PTPRT: variants seen among roughly 807,000 people sequenced by gnomAD.
PTPRT encodes receptor-type tyrosine-protein phosphatase T.
A neutral mutation model predicts 176.8 loss-of-function variants in PTPRT; 56 were observed. That is an observed-to-expected ratio of 0.32 (90% CI 0.26 to 0.40). PTPRT has a LOEUF of 0.40. Ranked by LOEUF, PTPRT falls within the 10% of genes least tolerant of loss-of-function variation. PTPRT has a pLI of 1.00. For missense variants in PTPRT, 1,540 were observed against 1,908.2 expected (o/e 0.81, Z 3.60); for synonymous variants, 783 against 739.0 (o/e 1.06, Z -0.96).
intron 6 of PTPRT, among the ~76,000 whole-genome samples, chr20:42,695,481 G>A (rs1034644252): frequency 2.0e-5 from 3 of 152,046 alleles, no homozygotes; most frequent in Non-Finnish European, 4.4e-5. Context: ...AGTTTTAGTG[G>A]TATTTATTTT....
At chr20:43,119,838 GCA>G (rs2013191811) in intron 1 of PTPRT, among the ~76,000 whole-genome samples, 2 of 152,298 alleles carry the variant, frequency 1.3e-5, no homozygotes, top group South Asian at 4.1e-4. Context: ...CTGTTAAGTG[GCA>G]TCATATAAAT....
At chr20:42,896,994 G>A (rs1255863397) in intron 1 of PTPRT, among the ~76,000 whole-genome samples, 1 of 152,108 alleles carries the variant, frequency 6.6e-6, no homozygotes. Context: ...TGCCGGGGGG[G>A]TGTTTAAATA....
downstream of PTPRT, among the ~76,000 whole-genome samples, chr20:42,067,952 G>C (rs1982142476): frequency 6.6e-6 from 1 of 152,178 alleles, no homozygotes; most frequent in Admixed American, 6.5e-5. Context: ...AGTCAGGGAA[G>C]GAACGAGAAA....
At chr20:42,361,473 A>G (rs1312253174) in intron 9 of PTPRT, among the ~76,000 whole-genome samples, 1 of 152,098 alleles carries the variant, frequency 6.6e-6, no homozygotes, top group East Asian at 1.9e-4. Flanking sequence ...GGGATGTGAT[A>G]TTTTGTGACT....
At chr20:42,677,630 T>C (rs1166396314) in intron 7 of PTPRT, among the ~76,000 whole-genome samples, 3 of 151,788 alleles carry the variant, frequency 2.0e-5, no homozygotes, top group Admixed American at 6.6e-5. Flanking sequence ...AGGAAGTTCT[T>C]AGAATCACAG....
intron 1 of PTPRT, among the ~76,000 whole-genome samples, chr20:43,116,132 C>G (rs930148229): frequency 6.6e-6 from 1 of 152,162 alleles, no homozygotes; most frequent in Non-Finnish European, 1.5e-5. Context: ...AATGAAGACA[C>G]CCAAGAATCA....
intron 1 of PTPRT, among the ~76,000 whole-genome samples, chr20:43,143,093 C>T (rs1053342021): frequency 2.2e-4 from 34 of 152,314 alleles, no homozygotes; most frequent in Non-Finnish European, 4.1e-4. Flanking sequence ...TGCCCTGCCA[C>T]GGCTCCTCTT....
chr20:42,104,127 G>A (rs75089941), intron 25 of PTPRT, among the ~76,000 whole-genome samples: 11,844 of 152,130 alleles, frequency 0.078, 1,214 homozygotes, highest in African/African-American at 0.23. Context: ...AAGACGTTTC[G>A]ATCATGAGCA....
intron 1 of PTPRT, among the ~76,000 whole-genome samples, chr20:43,013,252 C>T (rs1045305794): frequency 1.3e-5 from 2 of 152,000 alleles, no homozygotes; most frequent in Non-Finnish European, 2.9e-5. Context: ...CCTGAGCTAA[C>T]GAAGTGTGGA....
intron 1 of PTPRT, among the ~76,000 whole-genome samples, chr20:43,041,518 T>C (rs181703835): frequency 3.3e-5 from 5 of 152,280 alleles, no homozygotes; most frequent in Admixed American, 2.6e-4. Context: ...GCCAGCAACA[T>C]TGAGTTGTAG....
intron 7 of PTPRT, among the ~76,000 whole-genome samples, chr20:42,487,243 A>G (rs1411811510): frequency 6.6e-6 from 1 of 152,284 alleles, no homozygotes; most frequent in East Asian, 1.9e-4. Context: ...TGGAGAAGCC[A>G]CCCTGGCATT....
chr20:42,515,340 A>G (rs2072040897), intron 7 of PTPRT, among the ~76,000 whole-genome samples: 1 of 152,018 alleles, frequency 6.6e-6, no homozygotes, highest in South Asian at 2.1e-4. Flanking sequence ...AAAATTAGTC[A>G]GGTGTGGTGG....
chr20:42,991,465 C>T (rs1245904973), intron 1 of PTPRT, among the ~76,000 whole-genome samples: 3 of 151,736 alleles, frequency 2.0e-5, no homozygotes, highest in Non-Finnish European at 4.4e-5. Flanking sequence ...AATAAGCTAT[C>T]TGAAATACTG....
At chr20:42,872,865 G>A (rs767539878) in intron 2 of PTPRT, among the ~76,000 whole-genome samples, 25 of 152,142 alleles carry the variant, frequency 1.6e-4, no homozygotes, top group Non-Finnish European at 2.9e-5. Flanking sequence ...AAAGTCTGAG[G>A]TTAGTGACAG....
chr20:42,151,097 C>T (rs1158372875), intron 17 of PTPRT, among the ~76,000 whole-genome samples: 1 of 150,722 alleles, frequency 6.6e-6, no homozygotes, highest in Non-Finnish European at 1.5e-5. Flanking sequence ...AAATCATTCT[C>T]TTGCCATCTT....
At chr20:42,374,746 T>A (rs1259819611) in intron 9 of PTPRT, among the ~76,000 whole-genome samples, 1 of 152,158 alleles carries the variant, frequency 6.6e-6, no homozygotes, top group African/African-American at 2.4e-5. Context: ...TTCTAAACAG[T>A]AAAGATAATT....
chr20:43,173,483 A>G (rs1425831047), intron 1 of PTPRT, among the ~76,000 whole-genome samples: 1 of 152,210 alleles, frequency 6.6e-6, no homozygotes, highest in Non-Finnish European at 1.5e-5. Context: ...CTTGGCTTCG[A>G]ACTCTTATTT....
At chr20:42,431,951 T>C (rs543363782) in intron 9 of PTPRT, among the ~76,000 whole-genome samples, 39 of 152,344 alleles carry the variant, frequency 2.6e-4, no homozygotes, top group African/African-American at 8.4e-4. Flanking sequence ...CAACAGCAGA[T>C]AGAACATTTA....
chr20:42,470,121 T>C (rs1436424675), intron 8 of PTPRT, among the ~76,000 whole-genome samples: 3 of 152,200 alleles, frequency 2.0e-5, no homozygotes, highest in Non-Finnish European at 4.4e-5. Flanking sequence ...TCAAGCCGGG[T>C]ATTTTCTTTA....
Sources: allele counts gnomAD v4.1 joint callset (sites outside exome capture counted in the v4.1 genomes callset), GRCh38; gene constraint gnomAD v4.1.1; transcripts MANE v1.5; gene names NCBI Gene and HGNC (gene_info 2026-07-23, HGNC 2026-07-21).